The following DLG2 variants were observed in gnomAD, a reference collection of about 807,000 sequenced individuals.
DLG2 encodes discs large MAGUK scaffold protein 2.
In DLG2, 45 loss-of-function variants were observed where a neutral mutation model predicts 132.5. That is an observed-to-expected ratio of 0.34 (90% CI 0.27 to 0.44). The LOEUF is 0.44. Among genes scored for constraint, DLG2 ranks in the 20% least tolerant of loss-of-function variants. The pLI is 1.00. For missense variants in DLG2, 1,045 were observed against 1,196.9 expected (o/e 0.87, Z 1.87); for synonymous variants, 424 against 419.6 (o/e 1.01, Z -0.13).
intron 6 of DLG2, among the ~76,000 whole-genome samples, chr11:84,617,686 C>T (rs978881034): frequency 3.9e-5 from 6 of 151,974 alleles, no homozygotes; most frequent in Non-Finnish European, 8.8e-5. Context: ...ATTCAACAAA[C>T]ATTAGACTAT....
chr11:84,013,190 A>G (rs1451600042), intron 11 of DLG2, among the ~76,000 whole-genome samples: 1 of 152,160 alleles, frequency 6.6e-6, no homozygotes, highest in African/African-American at 2.4e-5. Context: ...AGCCTGGCTC[A>G]GTTACATGGA....
rs112910718 is a variant in DLG2, at chr11:83,634,451, A to G, written c.1826-1126T>C. ...TGGCAAAACAATGTCTTGCTTTAGA[A>G]AATTCAGCAGGCTTAACTTACCCAC... On this transcript the variant is annotated intron_variant, in intron 18 of 27. Coordinates refer to ENST00000376104, the MANE Select transcript of DLG2 (RefSeq NM_001142699.3). Among the ~76,000 whole-genome samples, 488 of 152,300 alleles carry G rather than the reference A, an allele frequency of 3.2e-3. 2 individuals are homozygous for G. Among genetic ancestry groups the G allele is most frequent in the African/African-American group, 0.011 (446 of 41,576 alleles).
chr11:85,550,494 G>C (rs568224624), intron 3 of DLG2, among the ~76,000 whole-genome samples: 2 of 152,312 alleles, frequency 1.3e-5, no homozygotes, highest in South Asian at 4.1e-4. Context: ...AAGTGAGTGG[G>C]GTTTGATCCC....
chr11:85,609,757 CA>C (rs1350278388), intron 2 of DLG2, among the ~76,000 whole-genome samples: 3 of 152,134 alleles, frequency 2.0e-5, no homozygotes, highest in African/African-American at 7.2e-5. Flanking sequence ...CATTGAGGGC[CA>C]GGAAATTGAC....
Position 83,471,620 on chromosome 11 carries a change from A to C in DLG2, c.2446+6T>G. ...TTTTCCTAGAGGAAAGAAAAATGACACTTACGAGGCACACAGGAGCCAAAT... is the reference window on the plus strand; with the variant it reads ...TTTTCCTAGAGGAAAGAAAAATGACCCTTACGAGGCACACAGGAGCCAAAT... On this transcript the variant is annotated splice_donor_region_variant and intron_variant, in intron 24 of 27. Transcript: ENST00000376104. The C allele has an allele frequency of 3.1e-6, 5 of 1,606,184 alleles. No individual in the cohort carries two copies.
chr11:84,510,814 T>G (rs986095713), intron 7 of DLG2, among the ~76,000 whole-genome samples: 1 of 151,550 alleles, frequency 6.6e-6, no homozygotes, highest in Non-Finnish European at 1.5e-5. Context: ...GATAACTGTT[T>G]TTTGTTTGTT....
chr11:84,883,613 T>C (rs2087731662), intron 6 of DLG2, among the ~76,000 whole-genome samples: 5 of 152,108 alleles, frequency 3.3e-5, no homozygotes, highest in Admixed American at 3.3e-4. Flanking sequence ...CCTTCACCTG[T>C]GTGGGTAGAA....
At chr11:85,366,212 T>G (rs1231971398) in intron 3 of DLG2, among the ~76,000 whole-genome samples, 1 of 152,218 alleles carries the variant, frequency 6.6e-6, no homozygotes, top group Non-Finnish European at 1.5e-5. Flanking sequence ...AACCTGTTGA[T>G]TTATATGTCT....
chr11:84,095,991 C>A (rs754463184), intron 10 of DLG2, among the ~76,000 whole-genome samples: 7 of 152,142 alleles, frequency 4.6e-5, no homozygotes, highest in Non-Finnish European at 8.8e-5. Flanking sequence ...AATAGAAAAA[C>A]AGCAAACTCT....
intron 18 of DLG2, among the ~76,000 whole-genome samples, chr11:83,721,482 G>T (rs532897729): frequency 6.6e-6 from 1 of 152,136 alleles, no homozygotes; most frequent in African/African-American, 2.4e-5. Context: ...AGTGACTCAC[G>T]TCAGTTCTTT....
intron 18 of DLG2, among the ~76,000 whole-genome samples, chr11:83,774,101 C>T (rs2094497993): frequency 6.6e-6 from 1 of 152,220 alleles, no homozygotes; most frequent in Non-Finnish European, 1.5e-5. Flanking sequence ...ATCCCTGCTC[C>T]TGCCATCCCT....
chr11:84,754,006 C>T (rs1204435552), intron 6 of DLG2, among the ~76,000 whole-genome samples: 1 of 152,150 alleles, frequency 6.6e-6, no homozygotes, highest in Non-Finnish European at 1.5e-5. Flanking sequence ...CAGACTGAAG[C>T]TGCTTCAGTG....
chr11:84,224,256 G>A (rs1467397725), intron 8 of DLG2, among the ~76,000 whole-genome samples: 10 of 152,218 alleles, frequency 6.6e-5, no homozygotes, highest in Non-Finnish European at 7.3e-5. Context: ...TTGCATCAGT[G>A]AGAAGCTTAG....
intron 16 of DLG2, among the ~76,000 whole-genome samples, 186 bp downstream of exon 16, chr11:83,874,234 A>AAGG (rs2064114965): frequency 6.6e-6 from 1 of 150,614 alleles, no homozygotes; most frequent in South Asian, 2.1e-4. Context: ...AGAAAGAAAG[A>AAGG]CAAAGAAAGA....
chr11:84,439,678 C>T (rs1296780605), intron 7 of DLG2, among the ~76,000 whole-genome samples: 1 of 152,170 alleles, frequency 6.6e-6, no homozygotes, highest in African/African-American at 2.4e-5. Flanking sequence ...CTCAGCAGGA[C>T]CGTAGCTTAC....
At chr11:84,694,499 A>AT (rs529853456) in intron 6 of DLG2, among the ~76,000 whole-genome samples, 197 of 149,316 alleles carry the variant, frequency 1.3e-3, no homozygotes, top group Non-Finnish European at 2.3e-3. Context: ...TGATGTAGGT[A>AT]TTTTTTTTCT....
intron 6 of DLG2, among the ~76,000 whole-genome samples, chr11:84,996,123 T>C (rs915860942): frequency 7.2e-5 from 11 of 152,246 alleles, no homozygotes; most frequent in African/African-American, 2.4e-4. Flanking sequence ...AAAGTAATCA[T>C]GACAACATAA....
chr11:84,566,899 G>A (rs1292516017), intron 6 of DLG2, among the ~76,000 whole-genome samples: 1 of 152,140 alleles, frequency 6.6e-6, no homozygotes, highest in Non-Finnish European at 1.5e-5. Flanking sequence ...TTAAGTGATT[G>A]GCTTCCTGTT....
intron 4 of DLG2, among the ~76,000 whole-genome samples, chr11:85,209,836 C>T (rs1319878726): frequency 6.6e-6 from 1 of 151,926 alleles, no homozygotes; most frequent in Non-Finnish European, 1.5e-5. Flanking sequence ...CTCCTATTTC[C>T]AATCATGGAC....
Sources: allele counts gnomAD v4.1 joint callset (sites outside exome capture counted in the v4.1 genomes callset), GRCh38; gene constraint gnomAD v4.1.1; transcripts MANE v1.5; gene names NCBI Gene and HGNC (gene_info 2026-07-23, HGNC 2026-07-21).